The following NSMCE2 variants were observed in gnomAD, a reference collection of about 807,000 sequenced individuals.
NSMCE2 encodes the protein NSE2 SUMO ligase component of SMC5/6 complex, also known as E3 SUMO-protein ligase NSE2.
NSMCE2 carries 24 observed loss-of-function variants against 23.8 expected under a neutral mutation model. The observed-to-expected ratio is 1.01, with a 90% CI of 0.73 to 1.42. The LOEUF (loss-of-function observed/expected upper bound fraction) is 1.42. Ranked by LOEUF, NSMCE2 falls within the 40% of genes most tolerant of loss-of-function variation. The pLI is 0.00. For synonymous variants in NSMCE2, 92 were observed against 94.1 expected (o/e 0.98, Z 0.13); for missense variants, 284 against 296.5 (o/e 0.96, Z 0.31).
intron 5 of NSMCE2, among the ~76,000 whole-genome samples, chr8:125,302,177 G>A (rs1446391917): frequency 6.6e-6 from 1 of 151,778 alleles, no homozygotes; most frequent in East Asian, 1.9e-4. Context: ...GGCTGGTCTT[G>A]AACTCCTGGC....
chr8:125,323,717 C>T (rs1003994382), intron 5 of NSMCE2, among the ~76,000 whole-genome samples: 4 of 152,126 alleles, frequency 2.6e-5, no homozygotes, highest in Non-Finnish European at 4.4e-5. Flanking sequence ...AAACCTAAAA[C>T]TATAGAAGCC....
intron 5 of NSMCE2, among the ~76,000 whole-genome samples, chr8:125,248,160 G>C (rs992785834): frequency 2.0e-5 from 3 of 152,278 alleles, no homozygotes; most frequent in Non-Finnish European, 4.4e-5. Context: ...TGAAACTAAA[G>C]TGTGAAAAGA....
chr8:125,157,586 A>C (rs934345250), intron 4 of NSMCE2, among the ~76,000 whole-genome samples: 1 of 152,208 alleles, frequency 6.6e-6, no homozygotes, highest in African/African-American at 2.4e-5. Context: ...TTGCCTAATA[A>C]ACAGAGACAG....
chr8:125,116,409 AATTATT>A (rs1010026801), intron 3 of NSMCE2, among the ~76,000 whole-genome samples: 1 of 152,208 alleles, frequency 6.6e-6, no homozygotes, highest in Non-Finnish European at 1.5e-5. Flanking sequence ...ATGTTAAAAA[AATTATT>A]ATTATTTCCA....
chr8:125,105,605 C>T lies in NSMCE2; in HGVS notation c.157+3118C>T, dbSNP rs568161346. Among the ~76,000 whole-genome samples the T allele has an allele frequency of 5.6e-4, 85 of 152,182 alleles. 1 individual carries two copies. In the Middle Eastern group the frequency reaches 0.017, roughly 30 times the overall value. On this transcript the variant is annotated intron_variant, in intron 3 of 7. Coordinates refer to ENST00000287437, the MANE Select transcript of NSMCE2 (RefSeq NM_173685.4). ...TAAAGCCAAAGTTGGCAAAGTTTTTCTATAAAGGGCCAGATAACAAATATT... is the reference window on the plus strand; with the variant it reads ...TAAAGCCAAAGTTGGCAAAGTTTTTTTATAAAGGGCCAGATAACAAATATT...
intron 3 of NSMCE2, among the ~76,000 whole-genome samples, chr8:125,136,578 A>G (rs2130596629): frequency 6.6e-6 from 1 of 152,162 alleles, no homozygotes; most frequent in South Asian, 2.1e-4. Flanking sequence ...TATAATTGAT[A>G]CCCTGGAGTT....
intron 4 of NSMCE2, among the ~76,000 whole-genome samples, chr8:125,173,096 A>G (rs914273273): frequency 6.6e-6 from 1 of 152,198 alleles, no homozygotes; most frequent in Non-Finnish European, 1.5e-5. Context: ...TTTACCCTTG[A>G]TAATCAAGAT....
chr8:125,290,967 T>C (rs1004821917), intron 5 of NSMCE2, among the ~76,000 whole-genome samples: 19 of 152,206 alleles, frequency 1.2e-4, no homozygotes, highest in Admixed American at 1.0e-3. Context: ...TGCCCGACAA[T>C]AGGCATTCAG....
intron 3 of NSMCE2, among the ~76,000 whole-genome samples, chr8:125,133,102 A>T (rs921541961): frequency 6.6e-6 from 1 of 152,182 alleles, no homozygotes; most frequent in African/African-American, 2.4e-5. Context: ...TGAAATGATT[A>T]AAAAATTTAT....
chr8:125,110,234 C>T lies in NSMCE2; in HGVS notation c.157+7747C>T, dbSNP rs893954425. Among the ~76,000 whole-genome samples, 9 of 152,288 alleles carry T rather than the reference C, an allele frequency of 5.9e-5. No homozygotes were observed. In the East Asian group the frequency reaches 1.7e-3, roughly 29 times the overall value. On this transcript the variant is annotated intron_variant, in intron 3 of 7. Coordinates refer to ENST00000287437, the MANE Select transcript of NSMCE2 (RefSeq NM_173685.4). ...GTTTGGTTAATGCTCTGCAATTCTACAAAAATGTATGTGCATGAGGATTAA... is the reference window on the plus strand; with the variant it reads ...GTTTGGTTAATGCTCTGCAATTCTATAAAAATGTATGTGCATGAGGATTAA...
Position 125,134,905 on chromosome 8 carries a change from A to ATTTTG in NSMCE2, c.158-16251_158-16247dup, listed in dbSNP as rs797018451. On this transcript the variant is annotated intron_variant, in intron 3 of 7. Transcript: ENST00000287437. ...ACCATACCCAGCTAATGAAAAATAA[A>ATTTTG]TTTTGTTTTGTTTTGTTTTTGAGAT... Among the ~76,000 whole-genome samples the ATTTTG allele has an allele frequency of 3.2e-3, 482 of 151,510 alleles. 1 individual carries two copies. The highest frequency in any genetic ancestry group is 0.011 in the African/African-American group (453 of 41,322).
chr8:125,248,743 G>A (rs1826092108), intron 5 of NSMCE2, among the ~76,000 whole-genome samples: 1 of 152,236 alleles, frequency 6.6e-6, no homozygotes, highest in Admixed American at 6.5e-5. Context: ...CATTTTTCAA[G>A]TGTATTCTAT....
intron 5 of NSMCE2, among the ~76,000 whole-genome samples, chr8:125,304,131 G>GATTT (rs1454918569): frequency 6.6e-6 from 1 of 152,152 alleles, no homozygotes; most frequent in Non-Finnish European, 1.5e-5. Context: ...GTTTTTGACT[G>GATTT]ATTTAGACTG....
At chr8:125,361,026 G>A (rs575597952) in intron 7 of NSMCE2, among the ~76,000 whole-genome samples, 22 of 151,254 alleles carry the variant, frequency 1.5e-4, no homozygotes, top group African/African-American at 5.1e-4. Flanking sequence ...TTAACAATAA[G>A]CCTATTTATT....
intron 4 of NSMCE2, among the ~76,000 whole-genome samples, chr8:125,159,262 T>C (rs1821477564): frequency 6.6e-6 from 1 of 152,360 alleles, no homozygotes; most frequent in Non-Finnish European, 1.5e-5. Flanking sequence ...TGTAGGTATG[T>C]ATGTATAGGA....
At chr8:125,282,730 A>C (rs1212651333) in intron 5 of NSMCE2, among the ~76,000 whole-genome samples, 2 of 152,264 alleles carry the variant, frequency 1.3e-5, no homozygotes, top group Non-Finnish European at 2.9e-5. Context: ...GGGCACCAGT[A>C]ATAATGCTAC....
chr8:125,180,196 T>C (rs1355050084), intron 4 of NSMCE2, among the ~76,000 whole-genome samples: 1 of 152,244 alleles, frequency 6.6e-6, no homozygotes, highest in African/African-American at 2.4e-5. Context: ...TCTTGAGATA[T>C]AAGGCACTAT....
chr8:125,364,408 C>T (rs1204777592), intron 7 of NSMCE2, among the ~76,000 whole-genome samples: 1 of 152,192 alleles, frequency 6.6e-6, no homozygotes, highest in Non-Finnish European at 1.5e-5. Flanking sequence ...TTGGAGCTCC[C>T]ATGACCAACT....
At chr8:125,303,166 C>T (rs1828628371) in intron 5 of NSMCE2, among the ~76,000 whole-genome samples, 3 of 152,142 alleles carry the variant, frequency 2.0e-5, no homozygotes, top group Non-Finnish European at 4.4e-5. Context: ...GAAAATGAGG[C>T]AGCTTTCAGA....
Sources: allele counts gnomAD v4.1 joint callset (sites outside exome capture counted in the v4.1 genomes callset), GRCh38; gene constraint gnomAD v4.1.1; transcripts MANE v1.5; gene names NCBI Gene and HGNC (gene_info 2026-07-23, HGNC 2026-07-21).